LRMDA: variants seen among roughly 807,000 people sequenced by gnomAD.
LRMDA encodes the protein leucine-rich melanocyte differentiation-associated protein.
In LRMDA, 18 loss-of-function variants were observed where a neutral mutation model predicts 29.8. The observed-to-expected ratio is 0.60, with a 90% CI of 0.42 to 0.90. The LOEUF (loss-of-function observed/expected upper bound fraction) is 0.90. LRMDA is among the 40% of genes least tolerant of loss of function. The pLI is 0.00. For synonymous variants in LRMDA, 125 were observed against 109.4 expected (o/e 1.14, Z -0.89); for missense variants, 273 against 273.9 (o/e 1.00, Z 0.02).
chr10:76,534,111 C>G (rs1843266403), intron 6 of LRMDA, among the ~76,000 whole-genome samples: 1 of 152,146 alleles, frequency 6.6e-6, no homozygotes, highest in African/African-American at 2.4e-5. Context: ...ATAGTTGGCC[C>G]ATAACTCACA....
At chr10:76,328,292 G>A (rs927343300) in intron 6 of LRMDA, among the ~76,000 whole-genome samples, 2 of 152,168 alleles carry the variant, frequency 1.3e-5, no homozygotes, top group Non-Finnish European at 2.9e-5. Flanking sequence ...AGGTATTGCC[G>A]TTCTTTATCT....
At chr10:75,563,150 G>A (rs10824317) in intron 2 of LRMDA, among the ~76,000 whole-genome samples, 77,514 of 151,788 alleles carry the variant, frequency 0.51, 22,390 homozygotes, top group Non-Finnish European at 0.64. Flanking sequence ...CATTCTCCCC[G>A]TCACTTTCAG....
intron 5 of LRMDA, among the ~76,000 whole-genome samples, chr10:76,290,952 A>G (rs1840333031): frequency 6.6e-6 from 1 of 152,232 alleles, no homozygotes; most frequent in Non-Finnish European, 1.5e-5. Flanking sequence ...GTTGACCTCT[A>G]ATTAAAATCT....
chr10:76,365,071 T>TATACACACACAC lies in LRMDA; in HGVS notation c.601+40587_601+40588insTACACACACACA, dbSNP rs1256120614. Among the ~76,000 whole-genome samples the TATACACACACAC allele has an allele frequency of 5.8e-4, 53 of 91,520 alleles. 1 individual carries two copies. The highest frequency in any genetic ancestry group is 2.1e-3 in the African/African-American group (50 of 23,368). 60.0% of individuals were successfully genotyped at this position (91,520 alleles called of 152,430 possible). On this transcript the variant is annotated intron_variant, in intron 6 of 6. Coordinates refer to ENST00000611255, the MANE Select transcript of LRMDA (RefSeq NM_001305581.2). ...TGCATAGTATTCCATCGTATATATA[T>TATACACACACAC]ACACACACACACACATATATATATA...
At chr10:75,487,034 G>A (rs1030912992) in intron 2 of LRMDA, among the ~76,000 whole-genome samples, 1 of 152,188 alleles carries the variant, frequency 6.6e-6, no homozygotes, top group African/African-American at 2.4e-5. Context: ...TGTCTGATAT[G>A]TACTTGCTAT....
At chr10:76,149,834 A>G (rs886619054) in intron 5 of LRMDA, among the ~76,000 whole-genome samples, 1 of 152,184 alleles carries the variant, frequency 6.6e-6, no homozygotes, top group Non-Finnish European at 1.5e-5. Context: ...TATCACCTAA[A>G]TCTTCCACAG....
intron 5 of LRMDA, among the ~76,000 whole-genome samples, chr10:76,177,117 G>A (rs992419080): frequency 2.0e-5 from 3 of 152,176 alleles, no homozygotes; most frequent in East Asian, 1.9e-4. Flanking sequence ...ACAGGGCTGC[G>A]TATCATTGGA....
chr10:76,335,450 G>A (rs1251258489), intron 6 of LRMDA, among the ~76,000 whole-genome samples: 1 of 152,152 alleles, frequency 6.6e-6, no homozygotes, highest in Admixed American at 6.5e-5. Context: ...TGAACCCATA[G>A]GTATCTGAGA....
At position 75,598,656 on chromosome 10, in the gene LRMDA, G is replaced by A. The variant is rs34512542; in HGVS notation, c.131+160162G>A. ...GTAAATATTTGGTGTGGTTCAGATC[G>A]TCTTTGCTTGCCTCGCGTACGACTC... On this transcript the variant is annotated intron_variant, in intron 2 of 6. Transcript: ENST00000611255. 5.9e-5 allele frequency among the ~76,000 whole-genome samples: 9 copies of A among 152,222 alleles called. No individual in the cohort carries two copies. The South Asian group carries it at 1.5e-3, about 25-fold the overall frequency.
At chr10:76,097,016 T>A (rs966176278) in intron 5 of LRMDA, among the ~76,000 whole-genome samples, 5 of 151,906 alleles carry the variant, frequency 3.3e-5, no homozygotes, top group Admixed American at 3.3e-4. Flanking sequence ...TTTTATTTTA[T>A]TTTATTTTAT....
At chr10:75,994,764 A>G (rs1023894089) in intron 2 of LRMDA, among the ~76,000 whole-genome samples, 12 of 152,186 alleles carry the variant, frequency 7.9e-5, no homozygotes, top group African/African-American at 2.9e-4. Flanking sequence ...GCATGTCAAG[A>G]GCTTTCACAC....
intron 6 of LRMDA, among the ~76,000 whole-genome samples, chr10:76,375,997 T>C (rs1037011225): frequency 2.0e-5 from 3 of 152,010 alleles, no homozygotes; most frequent in Non-Finnish European, 4.4e-5. Flanking sequence ...GTGTCATAGT[T>C]TTTGGGTTTT....
intron 2 of LRMDA, among the ~76,000 whole-genome samples, chr10:75,446,828 A>T (rs1844402240): frequency 6.6e-6 from 1 of 152,248 alleles, no homozygotes; most frequent in Admixed American, 6.5e-5. Context: ...ATCATGTTCC[A>T]GTGGGATTGG....
At chr10:75,629,523 T>C (rs1006768429) in intron 2 of LRMDA, among the ~76,000 whole-genome samples, 5 of 152,236 alleles carry the variant, frequency 3.3e-5, no homozygotes, top group Admixed American at 6.5e-5. Context: ...CCGAGTGTTA[T>C]AGCCTCACAA....
chr10:76,260,634 T>A (rs1382651473), intron 5 of LRMDA, among the ~76,000 whole-genome samples: 1 of 152,182 alleles, frequency 6.6e-6, no homozygotes, highest in Non-Finnish European at 1.5e-5. Flanking sequence ...GACTTTGACT[T>A]TTGACAATTT....
chr10:75,894,885 T>C (rs1005356139), intron 2 of LRMDA, among the ~76,000 whole-genome samples: 9 of 152,246 alleles, frequency 5.9e-5, no homozygotes, highest in African/African-American at 2.2e-4. Context: ...CTAAGTGTTT[T>C]GTACTTACAT....
chr10:76,429,222 A>C (rs1225067913), intron 6 of LRMDA, among the ~76,000 whole-genome samples: 1 of 152,114 alleles, frequency 6.6e-6, no homozygotes, highest in African/African-American at 2.4e-5. Flanking sequence ...TCAAAAACTC[A>C]TGATGTCATG....
At chr10:75,621,645 G>A (rs529397294) in intron 2 of LRMDA, among the ~76,000 whole-genome samples, 5 of 152,304 alleles carry the variant, frequency 3.3e-5, no homozygotes, top group East Asian at 3.9e-4. Context: ...GGGAGCAAGA[G>A]GGGGAGGCCT....
intron 6 of LRMDA, among the ~76,000 whole-genome samples, chr10:76,444,373 G>C (rs1396422590): frequency 6.6e-6 from 1 of 152,166 alleles, no homozygotes; most frequent in East Asian, 1.9e-4. Context: ...CAAAGGCTAT[G>C]GTAGAAGTGA....
Sources: allele counts gnomAD v4.1 joint callset (sites outside exome capture counted in the v4.1 genomes callset), GRCh38; gene constraint gnomAD v4.1.1; transcripts MANE v1.5; gene names NCBI Gene and HGNC (gene_info 2026-07-23, HGNC 2026-07-21).